Variants in CNTN5 observed in about 807,000 individuals in gnomAD.
CNTN5 encodes contactin-5.
CNTN5 carries 77 observed loss-of-function variants against 129.1 expected under a neutral mutation model. That is an observed-to-expected ratio of 0.60 (90% CI 0.50 to 0.72). The LOEUF (loss-of-function observed/expected upper bound fraction) is 0.72. Among genes scored for constraint, CNTN5 ranks in the 30% least tolerant of loss-of-function variants. The probability of loss-of-function intolerance (pLI) is 0.00; values close to 1 mark genes in which losing one functional copy is unlikely to be tolerated. For missense variants in CNTN5, 1,478 were observed against 1,328.8 expected, an observed-to-expected ratio of 1.11 and a Z score of -1.75; for synonymous variants, 509 against 465.6, an observed-to-expected ratio of 1.09 and a Z score of -1.20.
chr11:100,005,443 T>C (rs1174004660), intron 9 of CNTN5, among the ~76,000 whole-genome samples: 1 of 152,194 alleles, frequency 6.6e-6, no homozygotes. Flanking sequence ...CTCTCTTTTT[T>C]ATTTTTGTGG....
chr11:99,213,373 T>TATATATACATATATACAC (rs1859925949), intron 1 of CNTN5, among the ~76,000 whole-genome samples: 1 of 120,614 alleles, frequency 8.3e-6, no homozygotes, highest in Non-Finnish European at 1.7e-5. Flanking sequence ...TATGTATATA[T>TATATATACATATATACAC]GTATATACAT....
At chr11:99,307,048 G>A (rs1864909709) in intron 1 of CNTN5, among the ~76,000 whole-genome samples, 1 of 152,016 alleles carries the variant, frequency 6.6e-6, no homozygotes, top group Non-Finnish European at 1.5e-5. Context: ...GAGATAATAA[G>A]TATACAGATT....
rs568016243 is a variant in CNTN5, at chr11:100,043,390, C to A, written c.981-17822C>A. ...TTTATAGCCACTCTATCAATTTTTACAAATAATTTTATATTCCAAAGCTCC... is the reference window on the plus strand; with the variant it reads ...TTTATAGCCACTCTATCAATTTTTAAAAATAATTTTATATTCCAAAGCTCC... On this transcript the variant is annotated intron_variant, in intron 9 of 24. Coordinates refer to ENST00000524871, the MANE Select transcript of CNTN5 (RefSeq NM_014361.4). 3.9e-4 allele frequency among the ~76,000 whole-genome samples: 59 copies of A among 152,132 alleles called. No individual in the cohort carries two copies. In the South Asian group the frequency reaches 5.2e-3, roughly 13 times the overall value.
chr11:99,810,929 C>T (rs975341281), intron 3 of CNTN5, among the ~76,000 whole-genome samples: 1 of 152,034 alleles, frequency 6.6e-6, no homozygotes, highest in African/African-American at 2.4e-5. Flanking sequence ...TCTTTGCTGT[C>T]TGACATATAA....
intron 2 of CNTN5, among the ~76,000 whole-genome samples, chr11:99,417,288 A>T (rs1223163824): frequency 1.3e-5 from 2 of 152,164 alleles, no homozygotes; most frequent in African/African-American, 2.4e-5. Context: ...CATTGGTTTG[A>T]CAGGCAAAGC....
chr11:99,678,652 A>G (rs1370568236), intron 3 of CNTN5, among the ~76,000 whole-genome samples: 1 of 152,070 alleles, frequency 6.6e-6, no homozygotes. Context: ...AGGGAAAGAG[A>G]ATCCATGAAA....
intron 2 of CNTN5, among the ~76,000 whole-genome samples, chr11:99,514,411 T>C (rs918327890): frequency 1.3e-5 from 2 of 152,126 alleles, no homozygotes; most frequent in African/African-American, 4.8e-5. Flanking sequence ...AAAGACATTC[T>C]ACCATGGGCA....
intron 8 of CNTN5, among the ~76,000 whole-genome samples, chr11:99,957,236 C>T (rs984366307): frequency 6.6e-6 from 1 of 152,120 alleles, no homozygotes; most frequent in Non-Finnish European, 1.5e-5. Flanking sequence ...CATAATGCTA[C>T]TCTAATGCCA....
intron 9 of CNTN5, among the ~76,000 whole-genome samples, chr11:100,030,580 C>A (rs1331279405): frequency 6.6e-6 from 1 of 152,124 alleles, no homozygotes; most frequent in African/African-American, 2.4e-5. Context: ...GCCTCATTGT[C>A]CGCTTGTCTC....
chr11:99,741,816 C>T (rs1237101544), intron 3 of CNTN5, among the ~76,000 whole-genome samples: 2 of 152,036 alleles, frequency 1.3e-5, no homozygotes, highest in East Asian at 3.8e-4. Context: ...ATTACATTTA[C>T]ATATCATGTC....
At chr11:99,477,108 AAT>A (rs1170623573) in intron 2 of CNTN5, among the ~76,000 whole-genome samples, 4 of 151,956 alleles carry the variant, frequency 2.6e-5, no homozygotes, top group Admixed American at 2.0e-4. Context: ...GAATTTATTT[AAT>A]TTGAAAAAAT....
intron 13 of CNTN5, among the ~76,000 whole-genome samples, chr11:100,107,146 G>A (rs777884490): frequency 2.0e-5 from 3 of 152,062 alleles, no homozygotes; most frequent in Non-Finnish European, 4.4e-5. Flanking sequence ...AATAAACTTA[G>A]ACTAATAAAA....
chr11:99,152,662 T>C (rs563319628), intron 1 of CNTN5, among the ~76,000 whole-genome samples: 1 of 152,226 alleles, frequency 6.6e-6, no homozygotes, highest in African/African-American at 2.4e-5. Context: ...AATAGTGATA[T>C]GTGCAGATTT....
chr11:99,256,296 A>G (rs1029114314), intron 1 of CNTN5, among the ~76,000 whole-genome samples: 1 of 152,102 alleles, frequency 6.6e-6, no homozygotes, highest in Non-Finnish European at 1.5e-5. Flanking sequence ...TTTTATAAAT[A>G]GAGACTTTCT....
chr11:99,030,946 AATTTTTATTTTT>A (rs920208439), intron 1 of CNTN5, among the ~76,000 whole-genome samples: 5 of 150,198 alleles, frequency 3.3e-5, no homozygotes, highest in Non-Finnish European at 4.4e-5. Flanking sequence ...ACGCCTGGCT[AATTTTTATTTTT>A]ATTTTTATTT....
chr11:99,129,340 G>A (rs1858813438), intron 1 of CNTN5, among the ~76,000 whole-genome samples: 1 of 152,138 alleles, frequency 6.6e-6, no homozygotes, highest in African/African-American at 2.4e-5. Context: ...TGACCAGGCA[G>A]AAGAGAGACT....
chr11:99,819,046 T>C (rs1946685689), intron 3 of CNTN5, among the ~76,000 whole-genome samples: 1 of 151,984 alleles, frequency 6.6e-6, no homozygotes, highest in Admixed American at 6.6e-5. Context: ...GAAGTTCCTA[T>C]CTATGTTTGT....
At chr11:99,825,729 G>A (rs1946933174) in intron 4 of CNTN5, among the ~76,000 whole-genome samples, 1 of 151,972 alleles carries the variant, frequency 6.6e-6, no homozygotes, top group Admixed American at 6.6e-5. Flanking sequence ...GGCCTCTTTT[G>A]TAGCGGGCAA....
chr11:99,250,275 A>G (rs976225421), intron 1 of CNTN5, among the ~76,000 whole-genome samples: 13 of 151,994 alleles, frequency 8.6e-5, no homozygotes, highest in Non-Finnish European at 1.0e-4. Flanking sequence ...AACAGAGATC[A>G]CTTTAGAACA....
Sources: allele counts gnomAD v4.1 joint callset (sites outside exome capture counted in the v4.1 genomes callset), GRCh38; gene constraint gnomAD v4.1.1; transcripts MANE v1.5; gene names NCBI Gene and HGNC (gene_info 2026-07-23, HGNC 2026-07-21).